KPNB1: variants seen among roughly 807,000 people sequenced by gnomAD.
KPNB1 encodes the protein importin subunit beta-1.
In KPNB1, 7 loss-of-function variants were observed where a neutral mutation model predicts 113.0. The ratio of observed to expected loss-of-function variants is 0.06; its 90% confidence interval spans 0.04 to 0.12. The LOEUF (loss-of-function observed/expected upper bound fraction) is 0.12, where lower values mean the gene tolerates loss of function less well. KPNB1 is among the 10% of genes least tolerant of loss of function. The pLI is 1.00. For synonymous variants in KPNB1, 363 were observed against 378.6 expected, an observed-to-expected ratio of 0.96 and a Z score of 0.48; for missense variants, 400 against 1,054.8, an observed-to-expected ratio of 0.38 and a Z score of 8.60.
intron 9 of KPNB1, among the ~76,000 whole-genome samples, chr17:47,666,547 TATATA>T (rs2030288658): frequency 1.1e-5 from 1 of 91,550 alleles, no homozygotes; most frequent in Non-Finnish European, 2.6e-5. Flanking sequence ...TATTATATAT[TATATA>T]TTATGTTATA....
At chr17:47,677,218 G>A in intron 17 of KPNB1, 91 bp downstream of exon 17, 2 of 1,040,506 alleles carry the variant, frequency 1.9e-6, no homozygotes, top group Non-Finnish European at 2.9e-6. Context: ...GCTGGGCGCA[G>A]TGGCCTGTAA....
chr17:47,653,624 G>A (rs1915640696), intron 3 of KPNB1, among the ~76,000 whole-genome samples: 1 of 152,188 alleles, frequency 6.6e-6, no homozygotes, highest in South Asian at 2.1e-4. Flanking sequence ...TATCTGTGCA[G>A]TCATCATTTT....
At chr17:47,658,453 C>G in intron 4 of KPNB1, 55 bp from the exon 5 acceptor site, 19 of 1,558,204 alleles carry the variant, frequency 1.2e-5, no homozygotes, top group Non-Finnish European at 1.4e-5. Context: ...AGATGTGGAA[C>G]CCATGGCTGC....
Position 47,685,274 on chromosome 17 carries a change from T to C in KPNB1, c.*2870T>C, listed in dbSNP as rs2030908025. The C allele has an allele frequency of 6.6e-6, 1 of 152,168 alleles. No individual in the cohort carries two copies. Among genetic ancestry groups the C allele is most frequent in the Non-Finnish European group, 1.5e-5 (1 of 68,020 alleles). 9.4% of individuals were successfully genotyped at this position (152,168 alleles called of 1,614,324 possible). A position where few individuals can be genotyped will look rare whatever the true frequency, so the allele number is the denominator to read the frequency against. On this transcript the variant is annotated 3_prime_UTR_variant, in exon 22 of 22. Coordinates refer to ENST00000290158, the MANE Select transcript of KPNB1 (RefSeq NM_002265.6). ...AGCAATCTATTTACTCTTACAAATA[T>C]TTAAGAAGTGTGTTAGTCCAACTTT...
rs1251465232 is a variant in KPNB1 at position 47,650,228 on chromosome 17, C to T, written c.-17C>T. The T allele has an allele frequency of 3.9e-6, 6 of 1,552,790 alleles. No individual in the cohort carries two copies. The Admixed American group carries it at 5.6e-5, about 14-fold the overall frequency. ...GCCGTCGTCTTAGGAGGAGTCGCCG[C>T]CGCCGCCACCTCCGCCATGGAGCTG... On this transcript the variant is annotated 5_prime_UTR_variant, in exon 1 of 22. Coordinates refer to ENST00000290158, the MANE Select transcript of KPNB1 (RefSeq NM_002265.6).
In KPNB1 at chr17:47,667,562, G is replaced by GT. The variant is rs796857460; in HGVS notation, c.1000-611dup. Among the ~76,000 whole-genome samples, 827 of 142,568 alleles carry GT rather than the reference G, an allele frequency of 5.8e-3. 2 individuals are homozygous for GT. The highest frequency in any genetic ancestry group is 0.015 in the Middle Eastern group (4 of 270). 93.5% of individuals were successfully genotyped at this position (142,568 alleles called of 152,430 possible). ...TATTTATTATTATTTTTAATACTAT[G>GT]TTTTTTTTTTTTTCTGACAGAGTCT... is the stretch of plus-strand genomic sequence containing the variant. On this transcript the variant is annotated intron_variant, in intron 9 of 21. Coordinates refer to ENST00000290158, the MANE Select transcript of KPNB1 (RefSeq NM_002265.6).
chr17:47,675,358 G>GT (rs1555619221), intron 15 of KPNB1, among the ~76,000 whole-genome samples: 36 of 88,848 alleles, frequency 4.1e-4, no homozygotes, highest in Middle Eastern at 6.5e-3. Flanking sequence ...TGGCAGAGGT[G>GT]TTGTTTTTTT....
At position 47,682,459 on chromosome 17, in the gene KPNB1, T is replaced by G; in HGVS notation, c.*55T>G. On this transcript the variant is annotated 3_prime_UTR_variant, in exon 22 of 22. Coordinates refer to ENST00000290158, the MANE Select transcript of KPNB1 (RefSeq NM_002265.6). The stretch of plus-strand genomic sequence containing the variant: ...ACCCCCACTGGAAATCTCCCATCTT[T>G]TGAAAAACCTGGAAGTGAGGAGTGT... 1.3e-6 allele frequency: 1 copy of G among 779,396 alleles called. No homozygotes were observed. The highest frequency in any genetic ancestry group is 2.4e-6 in the Non-Finnish European group (1 of 418,024). 48.3% of individuals were successfully genotyped at this position (779,396 alleles called of 1,614,324 possible).
At chr17:47,652,658 GAT>G (rs774258290) in intron 2 of KPNB1, 34 bp from the exon 3 acceptor site, 18 of 1,478,940 alleles carry the variant, frequency 1.2e-5, no homozygotes, top group African/African-American at 7.1e-5. Flanking sequence ...AAATTCCTAA[GAT>G]ATTTTTATTT....
rs1282133295 is a variant in KPNB1 at position 47,675,365 on chromosome 17, T to TTG, written c.1912+584_1912+585insGT. On this transcript the variant is annotated intron_variant, in intron 15 of 21. Transcript: ENST00000290158. ...ACGGAGATTGGCAGAGGTGTTGTTTTTTTTTTGTTTTTTTTTTTTGTTTGT... is the reference window on the plus strand; with the variant it reads ...ACGGAGATTGGCAGAGGTGTTGTTTTTGTTTTTTGTTTTTTTTTTTTGTTTGT... 6.6e-4 allele frequency among the ~76,000 whole-genome samples: 75 copies of TTG among 114,144 alleles called. 3 individuals carry two copies. Among genetic ancestry groups the TTG allele is most frequent in the Middle Eastern group, 4.0e-3 (1 of 252 alleles). 74.9% of individuals were successfully genotyped at this position (114,144 alleles called of 152,430 possible). A position where few individuals can be genotyped will look rare whatever the true frequency, so the allele number is the denominator to read the frequency against.
chr17:47,677,930 T>TAA (rs2030662414), intron 17 of KPNB1, 116 bp from the exon 18 acceptor site: 6 of 1,067,228 alleles, frequency 5.6e-6, no homozygotes, highest in Admixed American at 4.3e-5. Context: ...TTGTAAGCTA[T>TAA]AAAGGACCAT....
At chr17:47,666,459 ATATATATTTTATATAATGTTATATAT>A (rs1462338343) in intron 9 of KPNB1, among the ~76,000 whole-genome samples, 43 of 139,458 alleles carry the variant, frequency 3.1e-4, no homozygotes, top group East Asian at 1.4e-3. Context: ...ATATTATGTT[ATATATATTTTATATAATGTTATATAT>A]TATATATTTT....
intron 16 of KPNB1, among the ~76,000 whole-genome samples, chr17:47,676,807 CTT>C (rs10649330): frequency 2.3e-4 from 27 of 116,208 alleles, no homozygotes; most frequent in South Asian, 2.8e-4. Context: ...GAGAGCAAGG[CTT>C]TTTTTTTTTT....
intron 2 of KPNB1, 71 bp downstream of exon 2, chr17:47,650,515 C>T (rs1284414239): frequency 2.4e-5 from 34 of 1,437,438 alleles, no homozygotes; most frequent in Admixed American, 1.8e-4. Context: ...CCCGCCCTCC[C>T]GGAGGCCCAG....
At position 47,657,440 on chromosome 17, in the gene KPNB1, G is replaced by A. The variant is rs150398571; in HGVS notation, c.483+380G>A. Among the ~76,000 whole-genome samples the A allele has an allele frequency of 3.2e-3, 485 of 152,274 alleles. 1 individual carries two copies. Among genetic ancestry groups the A allele is most frequent in the Non-Finnish European group, 4.4e-3 (301 of 68,016 alleles). ...ACGGAAAGTTTTGCCAACATTTGATGTAGTTGGTTTAGCCACTGGAGACAC... is the reference window on the plus strand; with the variant it reads ...ACGGAAAGTTTTGCCAACATTTGATATAGTTGGTTTAGCCACTGGAGACAC... On this transcript the variant is annotated intron_variant, in intron 4 of 21. Coordinates refer to ENST00000290158, the MANE Select transcript of KPNB1 (RefSeq NM_002265.6).
chr17:47,653,734 T>G (rs1180708210), intron 3 of KPNB1, among the ~76,000 whole-genome samples: 1 of 152,210 alleles, frequency 6.6e-6, no homozygotes, highest in Non-Finnish European at 1.5e-5. Flanking sequence ...TGGTTCTAGA[T>G]ATCAGCATTA....
At chr17:47,665,538 G>A (rs188435536) in intron 9 of KPNB1, among the ~76,000 whole-genome samples, 1 of 152,320 alleles carries the variant, frequency 6.6e-6, no homozygotes, top group Admixed American at 6.5e-5. Context: ...ACTTTCGTGA[G>A]TTCACAGGGT....
chr17:47,681,373 GT>G (rs574994633), intron 21 of KPNB1, among the ~76,000 whole-genome samples: 576 of 150,364 alleles, frequency 3.8e-3, no homozygotes, highest in Middle Eastern at 6.9e-3. Context: ...GGTTCAAGCA[GT>G]TCTCTGCCTC....
At chr17:47,662,006 T>C (rs531273903) in intron 6 of KPNB1, among the ~76,000 whole-genome samples, 16 of 152,328 alleles carry the variant, frequency 1.1e-4, no homozygotes, top group African/African-American at 3.4e-4. Context: ...TTGCTATTGC[T>C]ATACCCAAAA....
Sources: allele counts gnomAD v4.1 joint callset (sites outside exome capture counted in the v4.1 genomes callset), GRCh38; gene constraint gnomAD v4.1.1; transcripts MANE v1.5; gene names NCBI Gene and HGNC (gene_info 2026-07-23, HGNC 2026-07-21).